PCDHA6: variants seen among roughly 807,000 people sequenced by gnomAD.
The protein encoded by PCDHA6 is protocadherin alpha-6.
PCDHA6 carries 55 observed loss-of-function variants against 60.3 expected under a neutral mutation model. The observed-to-expected ratio is 0.91, with a 90% CI of 0.73 to 1.14. The LOEUF is 1.14. PCDHA6 is among the 50% of genes most tolerant of loss of function. PCDHA6 has a pLI of 0.00. For synonymous variants in PCDHA6, 652 were observed against 557.9 expected (o/e 1.17, Z -2.38); for missense variants, 1,327 against 1,256.5 (o/e 1.06, Z -0.85).
intron 1 of PCDHA6, among the ~76,000 whole-genome samples, chr5:140,855,385 G>C (rs2043451354): frequency 6.7e-6 from 1 of 149,884 alleles, no homozygotes; most frequent in Non-Finnish European, 1.5e-5. Context: ...AATCTAAATG[G>C]AGAAATGTCT....
chr5:140,968,801 G>T, intron 1 of PCDHA6: 1 of 1,614,216 alleles, frequency 6.2e-7, no homozygotes, highest in Non-Finnish European at 8.5e-7. Context: ...CATTACAGTA[G>T]CTGTGGTGGA....
intron 1 of PCDHA6, among the ~76,000 whole-genome samples, chr5:140,937,309 T>G (rs1210222120): frequency 6.6e-6 from 1 of 152,102 alleles, no homozygotes; most frequent in African/African-American, 2.4e-5. Flanking sequence ...AGTGCTGGGA[T>G]TACAGGCGTG....
intron 1 of PCDHA6, chr5:140,856,391 G>A (rs1554148627): frequency 6.3e-7 from 1 of 1,598,560 alleles, no homozygotes; most frequent in Non-Finnish European, 8.6e-7. Context: ...GCCGCTGCAG[G>A]TTTTCCATGT....
At chr5:140,982,253 A>G (rs1209317234) in intron 2 of PCDHA6, 16 of 777,640 alleles carry the variant, frequency 2.1e-5, no homozygotes, top group Admixed American at 3.3e-5. Context: ...AAGATAGAAC[A>G]TGTGTGTTCC....
Position 140,863,052 on chromosome 5 carries a change from C to A in PCDHA6, c.2394+32567C>A, listed in dbSNP as rs782611491. On this transcript the variant is annotated intron_variant, in intron 1 of 3. Transcript: ENST00000529310. ...CAGCTGCATCTGTCAGCTGGCAGCA[C>A]CCGTTCCACGTGGGGCTCTGCACGG... The A allele has an allele frequency of 3.2e-5, 18 of 562,664 alleles. No individual in the cohort carries two copies. The East Asian group carries it at 8.4e-4, about 26-fold the overall frequency. 34.9% of individuals were successfully genotyped at this position (562,664 alleles called of 1,614,324 possible).
intron 1 of PCDHA6, among the ~76,000 whole-genome samples, chr5:140,892,438 ATT>A (rs2063515415): frequency 6.6e-6 from 1 of 152,198 alleles, no homozygotes; most frequent in African/African-American, 2.4e-5. Context: ...ATTATCTAAA[ATT>A]TACATGTATT....
At chr5:140,832,735 T>C (rs1373705667) in intron 1 of PCDHA6, among the ~76,000 whole-genome samples, 2 of 152,316 alleles carry the variant, frequency 1.3e-5, no homozygotes, top group Non-Finnish European at 1.5e-5. Context: ...GTATCCTACA[T>C]AAATACGATG....
chr5:140,972,660 ATTTTTTTTT>A (rs11350929), intron 1 of PCDHA6, among the ~76,000 whole-genome samples: 1 of 117,268 alleles, frequency 8.5e-6, no homozygotes, highest in Non-Finnish European at 1.7e-5. Flanking sequence ...AAGAAACCAA[ATTTTTTTTT>A]TTTTTTTTTT....
intron 1 of PCDHA6, chr5:140,884,152 T>C (rs1279761986): frequency 1.9e-6 from 3 of 1,613,332 alleles, no homozygotes; most frequent in East Asian, 2.2e-5. Flanking sequence ...GGCTGTACAC[T>C]GGCGAGATCA....
chr5:140,850,472 G>A (rs2150485623), intron 1 of PCDHA6: 1 of 1,598,076 alleles, frequency 6.3e-7, no homozygotes, highest in South Asian at 1.1e-5. Context: ...AGCCAGCGCT[G>A]ACGGCCACGG....
chr5:140,907,885 A>C (rs1554193167), intron 1 of PCDHA6, among the ~76,000 whole-genome samples: 1 of 152,210 alleles, frequency 6.6e-6, no homozygotes, highest in Admixed American at 6.5e-5. Flanking sequence ...CTCACATGGG[A>C]TACAAATATC....
Position 140,845,842 on chromosome 5 carries a change from G to T in PCDHA6, c.2394+15357G>T, listed in dbSNP as rs2150381678. Among the ~76,000 whole-genome samples the T allele has an allele frequency of 1.3e-5, 2 of 149,848 alleles. 1 individual carries two copies. The highest frequency in any genetic ancestry group is 6.9e-3 in the Middle Eastern group (2 of 290). On this transcript the variant is annotated intron_variant, in intron 1 of 3. Transcript: ENST00000529310. ...AATTTAGTTATTACCATTCTTAAGA[G>T]AAAAGAAGTTAGTGATTGCAGAAAG...
chr5:140,837,300 A>C (rs78200905), intron 1 of PCDHA6: 1 of 151,976 alleles, frequency 6.6e-6, no homozygotes, highest in Non-Finnish European at 1.5e-5. Flanking sequence ...CTTTGTTGAG[A>C]TGTATTTGCC....
chr5:140,843,189 G>A (rs200720426), intron 1 of PCDHA6: 5 of 1,595,874 alleles, frequency 3.1e-6, no homozygotes, highest in Non-Finnish European at 4.3e-6. Flanking sequence ...ATCCCGTTCC[G>A]CGTGGGGCTG....
chr5:141,009,908 A>T lies in PCDHA6; in HGVS notation c.2824A>T (p.Asn942Tyr). ...NKTQEKKEKGNSTTDNSDQ is the reference protein window; with the variant it reads ...NKTQEKKEKGYSTTDNSDQ ...GACCCAGGAGAAAAAAGAGAAAGGG[A>T]ACAGCACGACTGACAACAGTGACCA... Residue 942 changes from asparagine to tyrosine, a missense_variant, in exon 4 of 4, where the codon AAC (asparagine) becomes TAC (tyrosine). Physicochemically the swap from Asn to Tyr is moderately radical, Grantham distance 143 (BLOSUM62 -2). Transcript: ENST00000529310. 1 of 1,612,966 alleles carries T rather than the reference A, an allele frequency of 6.2e-7. No individual in the cohort carries two copies. The highest frequency in any genetic ancestry group is 1.1e-5 in the South Asian group (1 of 90,886).
rs2150155445 is a variant in PCDHA6, at chr5:140,828,452, G to A, written c.361G>A (p.Val121Met). ...GCCGCTGCAGGTTTTCCATGTGGAC[G>A]TGGAGGTGAGGGACATTAACGACAA... ...DRPLQVFHVD[V>M]EVRDINDNPP... The change falls in exon 1 of 4, where the codon GTG (valine) becomes ATG (methionine). Residue 121 changes from valine (V) to methionine (M), a missense_variant. Coordinates refer to ENST00000529310, the MANE Select transcript of PCDHA6 (RefSeq NM_018909.4). The A allele has an allele frequency of 2.5e-6, 4 of 1,614,166 alleles. No individual in the cohort carries two copies. In the South Asian group the frequency reaches 4.4e-5, roughly 18 times the overall value.
At chr5:140,967,073 G>A (rs1554229137) in intron 1 of PCDHA6, 1 of 1,613,160 alleles carries the variant, frequency 6.2e-7, no homozygotes, top group South Asian at 1.1e-5. Flanking sequence ...CTTCGTCAAC[G>A]AGCGCATTGA....
At chr5:140,937,386 G>T (rs1450799946) in intron 1 of PCDHA6, among the ~76,000 whole-genome samples, 2 of 152,092 alleles carry the variant, frequency 1.3e-5, no homozygotes, top group African/African-American at 4.8e-5. Context: ...GTGTGTATGT[G>T]TATATAGGGG....
chr5:140,928,990 C>CT, intron 1 of PCDHA6: 2 of 1,613,884 alleles, frequency 1.2e-6, no homozygotes, highest in African/African-American at 1.3e-5. Context: ...GGGGTGCTTA[C>CT]TTTTCTTCGT....
Sources: allele counts gnomAD v4.1 joint callset (sites outside exome capture counted in the v4.1 genomes callset), GRCh38; gene constraint gnomAD v4.1.1; transcripts MANE v1.5; gene names NCBI Gene and HGNC (gene_info 2026-07-23, HGNC 2026-07-21).